The following SOD2 variants were observed in gnomAD, a reference collection of about 807,000 sequenced individuals.
SOD2 encodes superoxide dismutase 2.
Under a neutral mutation model 27.0 loss-of-function variants are expected in SOD2, and 11 were observed. The observed-to-expected ratio is 0.41, with a 90% CI of 0.26 to 0.67. The LOEUF is 0.67. SOD2 is among the 30% of genes least tolerant of loss of function. The pLI, the probability that SOD2 is intolerant of heterozygous loss-of-function variation, is 0.34. For synonymous variants in SOD2, 105 were observed against 103.0 expected (o/e 1.02, Z -0.12); for missense variants, 250 against 274.5 (o/e 0.91, Z 0.63).
intron 1 of SOD2, chr6:159,753,541 A>T (rs1329569823): frequency 6.2e-7 from 1 of 1,614,222 alleles, no homozygotes; most frequent in Admixed American, 1.7e-5. Context: ...TGTCCCAGGG[A>T]CGTATTGCAC....
rs1466559893 is a variant in SOD2, at chr6:159,679,238, C to T, written c.*3255G>A. 1 of 152,096 alleles carries T rather than the reference C, an allele frequency of 6.6e-6. No homozygotes were observed. Among genetic ancestry groups the T allele is most frequent in the African/African-American group, 2.4e-5 (1 of 41,408 alleles). 9.4% of individuals were successfully genotyped at this position (152,096 alleles called of 1,614,324 possible). On this transcript the variant is annotated 3_prime_UTR_variant, in exon 5 of 5. Coordinates refer to ENST00000538183, the MANE Select transcript of SOD2 (RefSeq NM_000636.4). Reference sequence around the variant, plus strand: ...GACCTTATAGGGTTTTCAGTATGTACCAGGCTTGATGCACATCTTAGAAGA... The same window carrying T: ...GACCTTATAGGGTTTTCAGTATGTATCAGGCTTGATGCACATCTTAGAAGA...
intron 1 of SOD2, among the ~76,000 whole-genome samples, chr6:159,740,229 A>G (rs1002810340): frequency 2.6e-5 from 4 of 151,676 alleles, no homozygotes; most frequent in Non-Finnish European, 1.5e-5. Flanking sequence ...CTGTGCAGTC[A>G]TTTTTTTGAT....
At chr6:159,724,464 A>T (rs1244557428) in intron 1 of SOD2, among the ~76,000 whole-genome samples, 2 of 152,232 alleles carry the variant, frequency 1.3e-5, no homozygotes, top group Non-Finnish European at 2.9e-5. Context: ...GCTCCTGTGC[A>T]CTTTTTTCAT....
upstream of SOD2, chr6:159,727,667 G>C (rs1778276682): frequency 1.0e-6 from 1 of 985,150 alleles, no homozygotes; most frequent in Non-Finnish European, 1.2e-6. Context: ...CTCGGCCTAT[G>C]CGACCGGTGG....
chr6:159,749,276 T>C (rs373306588), upstream of SOD2: 78 of 985,860 alleles, frequency 7.9e-5, no homozygotes, highest in East Asian at 5.1e-3. Context: ...TTTTTTTTAG[T>C]GAATTTTATG....
At chr6:159,753,487 G>A (rs1319855779) in intron 1 of SOD2, 5 of 1,614,098 alleles carry the variant, frequency 3.1e-6, no homozygotes, top group African/African-American at 2.7e-5. Flanking sequence ...TAATGGCGAA[G>A]TGTCGAATGC....
chr6:159,704,000 G>A (rs192547371), intron 1 of SOD2, among the ~76,000 whole-genome samples: 1 of 152,088 alleles, frequency 6.6e-6, no homozygotes, highest in Non-Finnish European at 1.5e-5. Context: ...CTTTAAAAAG[G>A]AAAGGCTGGG....
At position 159,689,983 on chromosome 6, in the gene SOD2, GA is replaced by G. The variant is rs998192850; in HGVS notation, c.227-1742del. The stretch of plus-strand genomic sequence containing the variant: ...ACAGAAAAAAAAAAAGAAAGAGAAA[GA>G]AAAAAACATACATACAAGGCCAGGT... On this transcript the variant is annotated intron_variant, in intron 2 of 4. Transcript: ENST00000538183. Among the ~76,000 whole-genome samples, 298 of 148,896 alleles carry G rather than the reference GA, an allele frequency of 2.0e-3. 1 individual carries two copies. Among genetic ancestry groups the G allele is most frequent in the Middle Eastern group, 7.9e-3 (2 of 254 alleles).
chr6:159,672,595 C>G lies in SOD2; in HGVS notation c.*9898G>C, dbSNP rs998939929. 2.6e-5 allele frequency: 4 copies of G among 152,100 alleles called. No individual in the cohort carries two copies. Among genetic ancestry groups the G allele is most frequent in the African/African-American group, 9.7e-5 (4 of 41,404 alleles). The allele number at this position is 152,100 out of a possible 1,614,324, so 9.4% of individuals were successfully genotyped here. A position where few individuals can be genotyped will look rare whatever the true frequency, so the allele number is the denominator to read the frequency against. On this transcript the variant is annotated 3_prime_UTR_variant, in exon 5 of 5. Transcript: ENST00000538183. ...CTTACAAGAGCTCCTGAAGGAAGCA[C>G]TAAACATGGAATGGAACAACCAGTA... is the stretch of plus-strand genomic sequence containing the variant.
chr6:159,698,380 T>A, intron 1 of SOD2, among the ~76,000 whole-genome samples: 1 of 149,782 alleles, frequency 6.7e-6, no homozygotes, highest in African/African-American at 2.5e-5. Flanking sequence ...TGCACTCCAG[T>A]CTGGGGAACA....
chr6:159,670,578 C>T lies in SOD2; in HGVS notation c.*11915G>A, dbSNP rs75848302. ...ATCCTCTATAATCATAGTCAATACA[C>T]AGAGAAAACCAAAAAATGCCAGACT... On this transcript the variant is annotated 3_prime_UTR_variant, in exon 5 of 5. Coordinates refer to ENST00000538183, the MANE Select transcript of SOD2 (RefSeq NM_000636.4). 2,794 of 152,528 alleles carry T rather than the reference C, an allele frequency of 0.018. 54 individuals carry two copies. The highest frequency in any genetic ancestry group is 0.047 in the Middle Eastern group (14 of 298). The allele number at this position is 152,528 out of a possible 1,614,324, so 9.4% of individuals were successfully genotyped here.
chr6:159,732,886 A>ATATAGTGTGT (rs146623701), intron 1 of SOD2, among the ~76,000 whole-genome samples: 8 of 146,488 alleles, frequency 5.5e-5, no homozygotes, highest in African/African-American at 2.1e-4. Context: ...ATATATATAT[A>ATATAGTGTGT]GTGTGTGTGT....
chr6:159,748,135 C>CT (rs897737343), upstream of SOD2: 1 of 1,534,488 alleles, frequency 6.5e-7, no homozygotes, highest in African/African-American at 1.4e-5. The surrounding 1 kb of genome is among the most constrained non-coding windows in gnomAD (Gnocchi z 5.6). Context: ...TTTTCCCCAC[C>CT]TTCTTATGTA....
At position 159,690,153 on chromosome 6, in the gene SOD2, G is replaced by A. The variant is rs140148452; in HGVS notation, c.227-1911C>T. Among the ~76,000 whole-genome samples the A allele has an allele frequency of 4.4e-3, 667 of 151,762 alleles. 3 individuals are homozygous for A. Among genetic ancestry groups the A allele is most frequent in the Middle Eastern group, 6.8e-3 (2 of 292 alleles). On this transcript the variant is annotated intron_variant, in intron 2 of 4. Coordinates refer to ENST00000538183, the MANE Select transcript of SOD2 (RefSeq NM_000636.4). The stretch of plus-strand genomic sequence containing the variant: ...CCCACAAAAAGTAGCCAGGCGTGGT[G>A]GCGTACGCCTGTAATCCCAGCTACT...
intron 1 of SOD2, among the ~76,000 whole-genome samples, chr6:159,712,589 CGCCTCCACAACGACCACTCAGCTGCTCTG>C (rs1562439049): frequency 1.2e-4 from 18 of 148,452 alleles, no homozygotes; most frequent in African/African-American, 1.2e-4. Context: ...TCACCCTAAC[CGCCTCCACAACGACCACTCAGCTGCTCTG>C]ACCTCCATAA....
intron 1 of SOD2, among the ~76,000 whole-genome samples, chr6:159,751,504 A>T (rs1779819407): frequency 6.6e-6 from 1 of 152,178 alleles, no homozygotes; most frequent in Non-Finnish European, 1.5e-5. Context: ...TCATTTTCCC[A>T]TTGTTTAATT....
intron 1 of SOD2, among the ~76,000 whole-genome samples, chr6:159,742,580 T>A (rs532443098): frequency 5.3e-5 from 8 of 152,340 alleles, no homozygotes; most frequent in South Asian, 2.1e-4. Flanking sequence ...CAGATTTTTT[T>A]AAATCTGCTG....
At chr6:159,721,684 T>C (rs1287621921) in intron 1 of SOD2, among the ~76,000 whole-genome samples, 1 of 144,112 alleles carries the variant, frequency 6.9e-6, no homozygotes, top group African/African-American at 2.6e-5. Context: ...CCTTTTTTTT[T>C]TTTTTTTTTT....
At chr6:159,719,036 C>A (rs1390562415) in intron 1 of SOD2, among the ~76,000 whole-genome samples, 1 of 151,050 alleles carries the variant, frequency 6.6e-6, no homozygotes, top group Non-Finnish European at 1.5e-5. Context: ...TTTTTTTCCT[C>A]TGTACTTCTG....
Sources: allele counts gnomAD v4.1 joint callset (sites outside exome capture counted in the v4.1 genomes callset), GRCh38; gene constraint gnomAD v4.1.1; non-coding constraint Gnocchi (gnomAD v3.1); transcripts MANE v1.5; gene names NCBI Gene and HGNC (gene_info 2026-07-23, HGNC 2026-07-21).